Variants in EMP2 observed in about 807,000 individuals in gnomAD.
EMP2 encodes epithelial membrane protein 2.
In EMP2, 19 loss-of-function variants were observed where a neutral mutation model predicts 13.7. The ratio of observed to expected loss-of-function variants is 1.38; its 90% CI spans 0.97 to 2.03. The LOEUF (loss-of-function observed/expected upper bound fraction) is 2.03, where lower values mean the gene tolerates loss of function less well. Among genes scored for constraint, EMP2 ranks in the 30% most tolerant of loss-of-function variants. The pLI is 0.00. For synonymous variants in EMP2, 97 were observed against 84.7 expected, an observed-to-expected ratio of 1.15 and a Z score of -0.80; for missense variants, 253 against 220.7, an observed-to-expected ratio of 1.15 and a Z score of -0.93.
intron 1 of EMP2, among the ~76,000 whole-genome samples, chr16:10,559,311 G>T (rs1238478577): frequency 6.6e-6 from 1 of 152,248 alleles, no homozygotes; most frequent in Non-Finnish European, 1.5e-5. Context: ...CAGCCAGCCA[G>T]GAGTATTCAG....
chr16:10,540,383 G>C (rs567302728), intron 3 of EMP2, among the ~76,000 whole-genome samples: 1 of 152,082 alleles, frequency 6.6e-6, no homozygotes, highest in African/African-American at 2.4e-5. Context: ...GCACACACCT[G>C]TAATCCCAGC....
At chr16:10,577,883 C>G in intron 1 of EMP2, 1 of 152,544 alleles carries the variant, frequency 6.6e-6, no homozygotes, top group Non-Finnish European at 1.5e-5. Flanking sequence ...CACCTTAGCC[C>G]CTGTAGCCCG....
chr16:10,538,005 A>G lies in EMP2; in HGVS notation c.239T>C (p.Phe80Ser). 2.5e-6 allele frequency: 4 copies of G among 1,614,110 alleles called. No individual in the cohort carries two copies. Among genetic ancestry groups the G allele is most frequent in the Non-Finnish European group, 3.4e-6 (4 of 1,180,008 alleles). ...GCGGAAGAGCTGGAGCACGAAGATG[A>G]AGAAGGCGATGCAGCAGAGAATGGT... ...LSTILCCIAF[F>S]IFVLQLFRLK... Residue 80 changes from phenylalanine to serine, a missense_variant, in exon 4 of 5, where the codon TTC (phenylalanine) becomes TCC (serine). Physicochemically the swap from Phe to Ser is radical, Grantham distance 155. Coordinates refer to ENST00000359543, the MANE Select transcript of EMP2 (RefSeq NM_001424.6).
In EMP2 at chr16:10,551,455, G is replaced by A. The variant is rs955822836; in HGVS notation, c.-60-3778C>T. Among the ~76,000 whole-genome samples the A allele has an allele frequency of 1.4e-4, 21 of 152,202 alleles. 1 individual carries two copies. Among genetic ancestry groups the A allele is most frequent in the Non-Finnish European group, 7.3e-5 (5 of 68,034 alleles). Reference sequence around the variant, plus strand: ...AGAGTCTTGCTCCGTTGCCCAGGCTGGAGTGCAGTGGCACAATCTCGGCTC... The same window carrying A: ...AGAGTCTTGCTCCGTTGCCCAGGCTAGAGTGCAGTGGCACAATCTCGGCTC... On this transcript the variant is annotated intron_variant, in intron 1 of 4. Coordinates refer to ENST00000359543, the MANE Select transcript of EMP2 (RefSeq NM_001424.6).
At chr16:10,534,449 C>A (rs1231146580) in intron 4 of EMP2, among the ~76,000 whole-genome samples, 1 of 152,120 alleles carries the variant, frequency 6.6e-6, no homozygotes, top group Admixed American at 6.6e-5. Flanking sequence ...TCACATAAGG[C>A]CAAAAGCACC....
Position 10,540,633 on chromosome 16 carries a change from T to C in EMP2, c.170-2559A>G, listed in dbSNP as rs556162026. Among the ~76,000 whole-genome samples the C allele has an allele frequency of 4.6e-5, 7 of 152,286 alleles. 2 individuals are homozygous for C. Among genetic ancestry groups the C allele is most frequent in the African/African-American group, 1.7e-4 (7 of 41,562 alleles). The stretch of plus-strand genomic sequence containing the variant: ...ATATCTGGGTGTTTGGGGTTGTTTG[T>C]TTTTTAACATGAAAAGGACCAGAAA... On this transcript the variant is annotated intron_variant, in intron 3 of 4. Transcript: ENST00000359543.
chr16:10,552,300 C>CATAT (rs1240433654), intron 1 of EMP2, among the ~76,000 whole-genome samples: 8 of 151,950 alleles, frequency 5.3e-5, no homozygotes, highest in African/African-American at 1.9e-4. Context: ...GACACAAATG[C>CATAT]ATATGGACAT....
At chr16:10,569,936 C>T (rs912775636) in intron 1 of EMP2, among the ~76,000 whole-genome samples, 5 of 152,160 alleles carry the variant, frequency 3.3e-5, no homozygotes, top group Admixed American at 6.5e-5. Context: ...AGGGAGCAGC[C>T]GCCCTGACCC....
At chr16:10,570,909 G>A (rs1293602132) in intron 1 of EMP2, among the ~76,000 whole-genome samples, 20 of 150,378 alleles carry the variant, frequency 1.3e-4, no homozygotes, top group Admixed American at 1.3e-3. Flanking sequence ...CAATGTGGAA[G>A]AAGAAGAAGG....
chr16:10,558,179 A>T (rs941790019), intron 1 of EMP2, among the ~76,000 whole-genome samples: 1 of 151,988 alleles, frequency 6.6e-6, no homozygotes. Flanking sequence ...ACAGCTGTGC[A>T]CCACCATGCC....
In EMP2 at chr16:10,537,760, C is replaced by CCACA. The variant is rs34979037; in HGVS notation, c.316+164_316+167dup. Among the ~76,000 whole-genome samples the CCACA allele has an allele frequency of 6.8e-3, 1,018 of 149,282 alleles. 11 individuals carry two copies. The highest frequency in any genetic ancestry group is 0.019 in the African/African-American group (760 of 40,686). Reference sequence around the variant, plus strand: ...CCACTGTGGTACAGCATGCATGCGCCCACACACACACACACACACACGCAA... The same window carrying CCACA: ...CCACTGTGGTACAGCATGCATGCGCCCACACACACACACACACACACACACGCAA... On this transcript the variant is annotated intron_variant, in intron 4 of 4. Coordinates refer to ENST00000359543, the MANE Select transcript of EMP2 (RefSeq NM_001424.6).
At chr16:10,535,156 G>A (rs1314261674) in intron 4 of EMP2, among the ~76,000 whole-genome samples, 4 of 152,104 alleles carry the variant, frequency 2.6e-5, no homozygotes, top group Admixed American at 6.5e-5. Context: ...AGTATCTGCT[G>A]CTTGCGTCTA....
intron 1 of EMP2, among the ~76,000 whole-genome samples, chr16:10,559,924 C>G (rs1051200688): frequency 6.6e-5 from 10 of 152,190 alleles, no homozygotes; most frequent in African/African-American, 2.2e-4. Context: ...ATCTGCCTGC[C>G]TCAGCCTCCC....
At chr16:10,537,291 G>A (rs1053425315) in intron 4 of EMP2, among the ~76,000 whole-genome samples, 9 of 152,172 alleles carry the variant, frequency 5.9e-5, no homozygotes, top group Non-Finnish European at 1.0e-4. Context: ...AATGCTCTGA[G>A]ACCTCTGCTT....
chr16:10,549,767 T>C (rs2050770336), intron 1 of EMP2, among the ~76,000 whole-genome samples: 1 of 151,936 alleles, frequency 6.6e-6, no homozygotes, highest in Non-Finnish European at 1.5e-5. Flanking sequence ...TCTCTCTTTT[T>C]CTGAACCACT....
intron 1 of EMP2, among the ~76,000 whole-genome samples, chr16:10,568,355 T>C (rs1047982590): frequency 1.1e-4 from 17 of 152,138 alleles, no homozygotes; most frequent in African/African-American, 4.1e-4. Context: ...AATATATGTA[T>C]TTTATATATG....
At position 10,547,578 on chromosome 16, in the gene EMP2, T is replaced by C. The variant is rs1474312188; in HGVS notation, c.40A>G (p.Thr14Ala). The C allele has an allele frequency of 9.9e-6, 16 of 1,613,700 alleles. No individual in the cohort carries two copies. The highest frequency in any genetic ancestry group is 1.3e-5 in the Non-Finnish European group (15 of 1,179,908). ...GCAATGAACAGCAAGGCTGCAGAGG[T>C]GATGTGGAAGGCGATGATGAAAGCA... ...LLAFIIAFHI[T>A]SAALLFIATV... The change falls in exon 2 of 5, where the codon ACC (threonine) becomes GCC (alanine). Residue 14 changes from threonine (T) to alanine (A), a missense_variant. Thr to Ala is a moderately conservative substitution (Grantham distance 58, BLOSUM62 0). Transcript: ENST00000359543.
chr16:10,560,838 G>A (rs974199622), intron 1 of EMP2, among the ~76,000 whole-genome samples: 2 of 152,178 alleles, frequency 1.3e-5, no homozygotes, highest in Non-Finnish European at 2.9e-5. Context: ...AGGAGAGCAC[G>A]TTCCGGGCTG....
At position 10,532,835 on chromosome 16, in the gene EMP2, T is replaced by C; in HGVS notation, c.*70A>G. ...TTGCTAGAAAAACCTCAAAAAATAA[T>C]GATTATATACAAAATGGTTATCTGA... On this transcript the variant is annotated 3_prime_UTR_variant, in exon 5 of 5. Transcript: ENST00000359543. The C allele has an allele frequency of 1.0e-6, 1 of 991,160 alleles. No homozygotes were observed. Among genetic ancestry groups the C allele is most frequent in the Non-Finnish European group, 1.2e-6 (1 of 801,642 alleles). 61.4% of individuals were successfully genotyped at this position (991,160 alleles called of 1,614,324 possible).
Sources: allele counts gnomAD v4.1 joint callset (sites outside exome capture counted in the v4.1 genomes callset), GRCh38; gene constraint gnomAD v4.1.1; transcripts MANE v1.5; gene names NCBI Gene and HGNC (gene_info 2026-07-23, HGNC 2026-07-21).